ZNF385D: variants seen among roughly 807,000 people sequenced by gnomAD.
ZNF385D encodes the protein zinc finger protein 385D.
Under a neutral mutation model 35.8 loss-of-function variants are expected in ZNF385D, and 15 were observed. That is an observed-to-expected ratio of 0.42 (90% confidence interval 0.28 to 0.64). The LOEUF is 0.64. Ranked by LOEUF, ZNF385D falls within the 30% of genes least tolerant of loss-of-function variation. The pLI, the probability that ZNF385D is intolerant of heterozygous loss-of-function variation, is 0.23. For synonymous variants in ZNF385D, 212 were observed against 186.8 expected (o/e 1.13, Z -1.10); for missense variants, 474 against 494.6 (o/e 0.96, Z 0.39).
At chr3:21,525,493 G>T (rs952284490) in intron 3 of ZNF385D, among the ~76,000 whole-genome samples, 4 of 151,840 alleles carry the variant, frequency 2.6e-5, no homozygotes, top group Non-Finnish European at 5.9e-5. Flanking sequence ...TTCGAGACCA[G>T]CCTCAACATG....
In ZNF385D at chr3:21,898,440, T is replaced by C. The variant is rs184009733; in HGVS notation, c.326-233412A>G. Reference sequence around the variant, plus strand: ...CCTACATAAACACATAAGAAAATGTTGTTCATGCAGAAACTACTTCCAGAT... The same window carrying C: ...CCTACATAAACACATAAGAAAATGTCGTTCATGCAGAAACTACTTCCAGAT... On this transcript the variant is annotated intron_variant, in intron 3 of 5. Coordinates refer to the ZNF385D transcript ENST00000494108. 5.7e-4 allele frequency among the ~76,000 whole-genome samples: 87 copies of C among 152,326 alleles called. 1 individual carries two copies. The East Asian group carries it at 0.016, about 28-fold the overall frequency.
intron 2 of ZNF385D, among the ~76,000 whole-genome samples, chr3:22,179,942 A>G (rs1476894714): frequency 6.6e-6 from 1 of 152,222 alleles, no homozygotes; most frequent in African/African-American, 2.4e-5. Flanking sequence ...AGATCAGAGC[A>G]GAACTGAAGG....
chr3:22,154,267 C>T (rs1705443864), intron 3 of ZNF385D, among the ~76,000 whole-genome samples: 1 of 152,132 alleles, frequency 6.6e-6, no homozygotes. Context: ...AGGATATTTT[C>T]CTGGCTAACC....
chr3:22,234,176 A>G (rs1170958819), intron 2 of ZNF385D, among the ~76,000 whole-genome samples: 1 of 152,122 alleles, frequency 6.6e-6, no homozygotes, highest in Non-Finnish European at 1.5e-5. Flanking sequence ...CATACTCATC[A>G]TATTCAACTG....
At chr3:22,272,302 T>C (rs901415565) in intron 2 of ZNF385D, among the ~76,000 whole-genome samples, 1 of 151,994 alleles carries the variant, frequency 6.6e-6, no homozygotes, top group Admixed American at 6.6e-5. Context: ...TCATAATCTA[T>C]TGTCTTTCCC....
At chr3:21,468,437 A>T (rs1338791087) in intron 4 of ZNF385D, among the ~76,000 whole-genome samples, 1 of 151,102 alleles carries the variant, frequency 6.6e-6, no homozygotes, top group African/African-American at 2.4e-5. Flanking sequence ...ATATGCAGAC[A>T]TTCAGAGTAT....
chr3:21,996,430 G>A (rs1336254214), intron 3 of ZNF385D, among the ~76,000 whole-genome samples: 2 of 152,116 alleles, frequency 1.3e-5, no homozygotes, highest in Admixed American at 6.6e-5. Context: ...AAATTTCAGT[G>A]TTCTCTCTCA....
intron 4 of ZNF385D, among the ~76,000 whole-genome samples, chr3:21,495,943 C>T (rs769893657): frequency 6.6e-6 from 1 of 151,880 alleles, no homozygotes; most frequent in Non-Finnish European, 1.5e-5. Context: ...AGCTAGAAAA[C>T]CTAGAAGAGA....
intron 3 of ZNF385D, among the ~76,000 whole-genome samples, chr3:21,790,194 A>G (rs1416544188): frequency 5.9e-5 from 9 of 152,142 alleles, no homozygotes; most frequent in African/African-American, 2.2e-4. Context: ...ACAGATTCAG[A>G]TTGCATTCAA....
At chr3:22,059,399 G>A (rs1043116455) in intron 3 of ZNF385D, among the ~76,000 whole-genome samples, 1 of 152,066 alleles carries the variant, frequency 6.6e-6, no homozygotes, top group African/African-American at 2.4e-5. Flanking sequence ...AGAGAATTGG[G>A]GTCATTCACT....
At chr3:21,597,570 G>A (rs553538380) in intron 2 of ZNF385D, among the ~76,000 whole-genome samples, 21 of 152,108 alleles carry the variant, frequency 1.4e-4, no homozygotes, top group African/African-American at 5.1e-4. Flanking sequence ...TTAAAGCTCA[G>A]ACTTGAGAAT....
chr3:21,613,565 C>T (rs57453937), intron 2 of ZNF385D, among the ~76,000 whole-genome samples: 21 of 152,268 alleles, frequency 1.4e-4, no homozygotes, highest in African/African-American at 5.1e-4. Flanking sequence ...CCCAACATCA[C>T]GTGACATTTG....
chr3:21,629,822 G>A (rs1291340187), intron 2 of ZNF385D, among the ~76,000 whole-genome samples: 1 of 152,092 alleles, frequency 6.6e-6, no homozygotes, highest in African/African-American at 2.4e-5. Context: ...GGCAAAACTG[G>A]AACACACTGG....
intron 2 of ZNF385D, among the ~76,000 whole-genome samples, chr3:22,331,415 T>C (rs1306165610): frequency 1.3e-5 from 2 of 152,010 alleles, no homozygotes; most frequent in African/African-American, 2.4e-5. Flanking sequence ...GTAATATGAA[T>C]AAAACAAAAA....
At chr3:22,185,406 T>C (rs1194498678) in intron 2 of ZNF385D, among the ~76,000 whole-genome samples, 2 of 152,176 alleles carry the variant, frequency 1.3e-5, no homozygotes, top group Non-Finnish European at 2.9e-5. Flanking sequence ...CCATGGACAG[T>C]GGCAATCTCT....
At chr3:21,955,813 C>T (rs920405617) in intron 3 of ZNF385D, among the ~76,000 whole-genome samples, 1 of 152,090 alleles carries the variant, frequency 6.6e-6, no homozygotes, top group Non-Finnish European at 1.5e-5. Context: ...CTAAGTACTA[C>T]TGGTGTGACA....
At chr3:22,003,868 C>G (rs1696021163) in intron 3 of ZNF385D, among the ~76,000 whole-genome samples, 1 of 134,540 alleles carries the variant, frequency 7.4e-6, no homozygotes. Flanking sequence ...CTCCATCCCC[C>G]CACCAAAAAA....
chr3:22,330,854 G>A (rs1258662430), intron 2 of ZNF385D, among the ~76,000 whole-genome samples: 1 of 152,188 alleles, frequency 6.6e-6, no homozygotes, highest in Admixed American at 6.5e-5. Flanking sequence ...AACCCTGCAG[G>A]TTCCAAAATC....
At position 21,579,619 on chromosome 3, in the gene ZNF385D, G is replaced by A. The variant is rs553330973; in HGVS notation, c.166-14935C>T. On this transcript the variant is annotated intron_variant, in intron 2 of 7. Coordinates refer to ENST00000281523, the MANE Select transcript of ZNF385D (RefSeq NM_024697.3). ...TATTTATTTTTTAATATTTTAATGT[G>A]TTTTCTAGGACAGTTATAACAAAAT... 3 of 152,098 alleles carry A rather than the reference G, an allele frequency of 2.0e-5. No individual in the cohort carries two copies. In the East Asian group the frequency reaches 5.8e-4, roughly 29 times the overall value. The allele number at this position is 152,098 out of a possible 1,614,324, so 9.4% of individuals were successfully genotyped here. A position where few individuals can be genotyped will look rare whatever the true frequency, so the allele number is the denominator to read the frequency against.
Sources: gnomAD v4.1 joint callset for allele counts (sites outside exome capture counted in the v4.1 genomes callset) on GRCh38, gnomAD v4.1.1 for gene constraint, MANE v1.5 for transcripts, NCBI Gene and HGNC (gene_info 2026-07-23, HGNC 2026-07-21) for gene names.